ADH4: variants seen among roughly 807,000 people sequenced by gnomAD.
ADH4 encodes alcohol dehydrogenase 4 (class II), pi polypeptide, also known as all-trans-retinol dehydrogenase [NAD(+)] ADH4.
A neutral mutation model predicts 35.2 loss-of-function variants in ADH4; 31 were observed. The ratio of observed to expected loss-of-function variants is 0.88; its 90% CI spans 0.66 to 1.19. ADH4 has a LOEUF of 1.19. Ranked by LOEUF, ADH4 falls within the 50% of genes most tolerant of loss-of-function variation. ADH4 has a pLI of 0.00. For missense variants in ADH4, 476 were observed against 458.3 expected (o/e 1.04, Z -0.35); for synonymous variants, 171 against 160.2 (o/e 1.07, Z -0.51).
rs1729101769 is a variant in ADH4, at chr4:99,126,643, G to T, written c.1069C>A (p.Pro357Thr). 1.2e-6 allele frequency: 2 copies of T among 1,609,920 alleles called. No individual in the cohort carries two copies. Among genetic ancestry groups the T allele is most frequent in the African/African-American group, 1.3e-5 (1 of 74,976 alleles). ...AATGCCTCACTGATTTTGTCAAAAG[G>T]CAGGGTATGGGTCACCAGTGCATCC... ...NLDALVTHTL[P>T]FDKISEAFDL... The change falls in exon 8 of 9, where the codon CCT becomes ACT. Residue 357 changes from proline to threonine, a missense_variant. Coordinates refer to ENST00000265512, the MANE Select transcript of ADH4 (RefSeq NM_000670.5).
chr4:99,124,591 G>T (rs748897811), intron 8 of ADH4, 125 bp from the exon 9 acceptor site: 2 of 593,136 alleles, frequency 3.4e-6, no homozygotes, highest in Non-Finnish European at 5.8e-6. Flanking sequence ...ACTTTATTAA[G>T]CCTAATTTCT....
chr4:99,126,777 C>A (rs769307421), intron 7 of ADH4, 45 bp from the exon 8 acceptor site: 3 of 1,544,740 alleles, frequency 1.9e-6, no homozygotes, highest in African/African-American at 2.7e-5. Context: ...GCACTTGACA[C>A]GAAGTAGTTT....
intron 8 of ADH4, 76 bp from the exon 9 acceptor site, chr4:99,124,542 C>T: frequency 2.1e-6 from 2 of 966,964 alleles, no homozygotes; most frequent in South Asian, 3.4e-5. Context: ...TAAGTTTTGC[C>T]TTTTCATTTC....
At chr4:99,136,439 T>C in intron 5 of ADH4, 27 bp downstream of exon 5, 2 of 1,590,460 alleles carry the variant, frequency 1.3e-6, no homozygotes, top group Non-Finnish European at 1.7e-6. Context: ...ACTTCTGTTT[T>C]ACACAAACTG....
Position 99,142,995 on chromosome 4 carries a change from C to A in ADH4, c.19-215G>T, listed in dbSNP as rs29001173. The A allele has an allele frequency of 1.7e-4, 112 of 645,680 alleles. No homozygotes were observed. The African/African-American group carries it at 2.0e-3, about 12-fold the overall frequency. The allele number at this position is 645,680 out of a possible 1,614,324, so 40.0% of individuals were successfully genotyped here. On this transcript the variant is annotated intron_variant, in intron 1 of 8. Coordinates refer to ENST00000265512, the MANE Select transcript of ADH4 (RefSeq NM_000670.5). ...AAGAAGTTAAATTCTACATTATAGTCATTACATTTTTTATTTCTTGAAAAA... is the reference window on the plus strand; with the variant it reads ...AAGAAGTTAAATTCTACATTATAGTAATTACATTTTTTATTTCTTGAAAAA...
At chr4:99,132,113 C>A (rs964207079) in intron 5 of ADH4, among the ~76,000 whole-genome samples, 8 of 152,108 alleles carry the variant, frequency 5.3e-5, no homozygotes, top group Admixed American at 2.6e-4. Context: ...ATTAATTTGA[C>A]ATCTATATTT....
At chr4:99,125,486 G>A (rs1361762536) in intron 8 of ADH4, among the ~76,000 whole-genome samples, 1 of 152,204 alleles carries the variant, frequency 6.6e-6, no homozygotes. Flanking sequence ...AAAGGTTTGT[G>A]TTCGAGGATA....
chr4:99,126,007 A>AT (rs1234882973), intron 8 of ADH4, among the ~76,000 whole-genome samples: 2 of 12,716 alleles, frequency 1.6e-4, no homozygotes, highest in African/African-American at 1.3e-3. Context: ...CTAATCCCCC[A>AT]ACCCCTAAGA....
At chr4:99,125,564 A>T (rs934345035) in intron 8 of ADH4, among the ~76,000 whole-genome samples, 1 of 152,196 alleles carries the variant, frequency 6.6e-6, no homozygotes, top group African/African-American at 2.4e-5. Flanking sequence ...AGTATTCCTT[A>T]TGGGGATATT....
At position 99,124,023 on chromosome 4, in the gene ADH4, G is replaced by C; in HGVS notation, c.*419C>G. ...GTTGTTCCCCATCATGTGTCCATGT[G>C]TTCTCATCATTTAGCTCCCAGAAAA... On this transcript the variant is annotated 3_prime_UTR_variant, in exon 9 of 9. Coordinates refer to ENST00000265512, the MANE Select transcript of ADH4 (RefSeq NM_000670.5). 5.3e-6 allele frequency: 1 copy of C among 189,792 alleles called. No homozygotes were observed. The allele number at this position is 189,792 out of a possible 1,614,324, so 11.8% of individuals were successfully genotyped here.
intron 1 of ADH4, chr4:99,143,453 A>G: frequency 2.7e-6 from 1 of 375,874 alleles, no homozygotes; most frequent in South Asian, 4.9e-5. Context: ...ACAGAAATTA[A>G]ATATTTAGGA....
chr4:99,131,043 T>C (rs1729254771), intron 6 of ADH4, among the ~76,000 whole-genome samples: 1 of 152,166 alleles, frequency 6.6e-6, no homozygotes, highest in South Asian at 2.1e-4. Context: ...GAATGCTGTC[T>C]AGTTAATGCA....
At chr4:99,127,466 C>G in intron 6 of ADH4, 122 bp from the exon 7 acceptor site, 1 of 692,184 alleles carries the variant, frequency 1.4e-6, no homozygotes, top group Non-Finnish European at 2.3e-6. Flanking sequence ...TAATGGGATT[C>G]AAGCTAATGA....
intron 3 of ADH4, among the ~76,000 whole-genome samples, chr4:99,140,935 A>C (rs1417845825): frequency 6.6e-6 from 1 of 151,886 alleles, no homozygotes; most frequent in African/African-American, 2.4e-5. Flanking sequence ...CAGGTTTGCT[A>C]TATAAGTAAA....
intron 7 of ADH4, among the ~76,000 whole-genome samples, 198 bp from the exon 8 acceptor site, chr4:99,126,930 A>T (rs1239827857): frequency 6.6e-6 from 1 of 151,426 alleles, no homozygotes; most frequent in Non-Finnish European, 1.5e-5. Context: ...ATTATTTTCC[A>T]CTCTATATAA....
At chr4:99,140,723 C>T (rs1274350868) in intron 3 of ADH4, among the ~76,000 whole-genome samples, 4 of 151,816 alleles carry the variant, frequency 2.6e-5, no homozygotes, top group Admixed American at 6.6e-5. Flanking sequence ...CAAAATTAGC[C>T]GGGTGTGGTG....
chr4:99,139,749 G>A (rs751425753), intron 3 of ADH4, among the ~76,000 whole-genome samples: 5 of 152,176 alleles, frequency 3.3e-5, no homozygotes, highest in Middle Eastern at 6.8e-3. Context: ...TCTTTGAGAC[G>A]AGCCCTATTT....
In ADH4 at chr4:99,136,556, G is replaced by C; in HGVS notation, c.492C>G (p.Ala164=). 1 of 1,614,026 alleles carries C rather than the reference G, an allele frequency of 6.2e-7. No homozygotes were observed. Among genetic ancestry groups the C allele is most frequent in the South Asian group, 1.1e-5 (1 of 91,074 alleles). ...CTAAATTTGCATCATCATCTATTTTGGCAAGATTGATATCTGACACCACAG... is the reference window on the plus strand; with the variant it reads ...CTAAATTTGCATCATCATCTATTTTCGCAAGATTGATATCTGACACCACAG... The part of the protein sequence containing the change: ...QYTVVSDINL[A]KIDDDANLER... Residue 164 remains alanine (A), a synonymous_variant, in exon 5 of 9, where the codon GCC becomes GCG. Transcript: ENST00000265512.
intron 3 of ADH4, among the ~76,000 whole-genome samples, chr4:99,139,739 T>A (rs991285104): frequency 1.3e-5 from 2 of 152,162 alleles, no homozygotes; most frequent in Non-Finnish European, 2.9e-5. Context: ...TCAGAGCAAC[T>A]CTTTGAGACG....
Sources: allele counts gnomAD v4.1 joint callset (sites outside exome capture counted in the v4.1 genomes callset), GRCh38; gene constraint gnomAD v4.1.1; transcripts MANE v1.5; gene names NCBI Gene and HGNC (gene_info 2026-07-23, HGNC 2026-07-21).